The following OSBPL3 variants were observed in gnomAD, a reference collection of about 807,000 sequenced individuals.
OSBPL3 encodes oxysterol binding protein like 3.
OSBPL3 carries 65 observed loss-of-function variants against 120.1 expected under a neutral mutation model. The ratio of observed to expected loss-of-function variants is 0.54; its 90% CI spans 0.44 to 0.67. The LOEUF is 0.67. OSBPL3 is among the 30% of genes least tolerant of loss of function. The probability of loss-of-function intolerance (pLI) is 0.00; values close to 1 mark genes in which losing one functional copy is unlikely to be tolerated. For missense variants in OSBPL3, 1,004 were observed against 1,082.1 expected, an observed-to-expected ratio of 0.93 and a Z score of 1.01; for synonymous variants, 416 against 402.6, an observed-to-expected ratio of 1.03 and a Z score of -0.40.
intron 2 of OSBPL3, among the ~76,000 whole-genome samples, chr7:24,882,003 C>A (rs6962171): frequency 0.028 from 4,192 of 152,284 alleles, 205 homozygotes; most frequent in African/African-American, 0.095. Flanking sequence ...ATAATCTGAG[C>A]TGCCCTACTC....
chr7:24,853,215 T>G (rs1003419112), intron 10 of OSBPL3, among the ~76,000 whole-genome samples: 2 of 152,226 alleles, frequency 1.3e-5, no homozygotes, highest in African/African-American at 4.8e-5. Context: ...GGGAAAATGT[T>G]AACACTACAG....
intron 2 of OSBPL3, among the ~76,000 whole-genome samples, chr7:24,890,127 C>G (rs1805127286): frequency 6.6e-6 from 1 of 152,022 alleles, no homozygotes; most frequent in Admixed American, 6.5e-5. Context: ...GAAAAATGAC[C>G]AATAAAATCA....
In OSBPL3 at chr7:24,808,840, G is replaced by A. The variant is rs140505191; in HGVS notation, c.2317+967C>T. Among the ~76,000 whole-genome samples, 7 of 152,278 alleles carry A rather than the reference G, an allele frequency of 4.6e-5. No individual in the cohort carries two copies. The highest frequency in any genetic ancestry group is 2.1e-4 in the South Asian group (1 of 4,818). ...CGTGATATAAAGTCCCATTTGCTGCGGGATCTTAGGAAATGTTCCTGAGAA... is the reference window on the plus strand; with the variant it reads ...CGTGATATAAAGTCCCATTTGCTGCAGGATCTTAGGAAATGTTCCTGAGAA... On this transcript the variant is annotated intron_variant, in intron 20 of 22. Transcript: ENST00000313367. This position sits in a 1 kb window ranked among gnomAD's most constrained non-coding sequence, Gnocchi z 4.6.
intron 17 of OSBPL3, 141 bp from the exon 18 acceptor site, chr7:24,816,829 TA>T (rs1179416016): frequency 1.6e-6 from 1 of 643,164 alleles, no homozygotes; most frequent in Non-Finnish European, 2.8e-6. Flanking sequence ...TAACTTTTCA[TA>T]AAATATAAGT....
rs1246141616 is a variant in OSBPL3 at position 24,821,122 on chromosome 7, C to T, written c.1885-884G>A. On this transcript the variant is annotated intron_variant, in intron 16 of 22. Transcript: ENST00000313367. The surrounding 1 kb of genome is among the most constrained non-coding windows in gnomAD (Gnocchi z 5.5). ...ACTGGTGAAACCACAGTAATGCTGCCAAGGGTGTTTCCAGAAAGTTCTCTG... is the reference window on the plus strand; with the variant it reads ...ACTGGTGAAACCACAGTAATGCTGCTAAGGGTGTTTCCAGAAAGTTCTCTG... 3.3e-5 allele frequency among the ~76,000 whole-genome samples: 5 copies of T among 152,144 alleles called. No homozygotes were observed. The highest frequency in any genetic ancestry group is 3.3e-4 in the Admixed American group (5 of 15,282).
At chr7:24,893,987 C>CGT (rs1027457548) in intron 1 of OSBPL3, among the ~76,000 whole-genome samples, 106 of 150,954 alleles carry the variant, frequency 7.0e-4, no homozygotes, top group African/African-American at 2.4e-3. Flanking sequence ...AATATACATA[C>CGT]ATATATATAT....
rs1164349295 is a variant in OSBPL3 at position 24,940,783 on chromosome 7, C to T, written c.-150+39103G>A. Among the ~76,000 whole-genome samples the T allele has an allele frequency of 6.6e-6, 1 of 151,836 alleles. No homozygotes were observed. The highest frequency in any genetic ancestry group is 2.4e-5 in the African/African-American group (1 of 41,348). On this transcript the variant is annotated intron_variant, in intron 1 of 22. Transcript: ENST00000313367. This position sits in a 1 kb window ranked among gnomAD's most constrained non-coding sequence, Gnocchi z 4.4. ...GCTACAAACCAAAGCTCACACTTCCCACATCGCTCTTCTTAACATTTCTTC... is the reference window on the plus strand; with the variant it reads ...GCTACAAACCAAAGCTCACACTTCCTACATCGCTCTTCTTAACATTTCTTC...
chr7:24,976,529 G>C (rs138969000), intron 1 of OSBPL3, among the ~76,000 whole-genome samples: 1 of 119,364 alleles, frequency 8.4e-6, no homozygotes, highest in Non-Finnish European at 1.8e-5. Flanking sequence ...CTGAACAGTA[G>C]TAATTGGAAA....
In OSBPL3 at chr7:24,852,435, T is replaced by A. The variant is rs978727645; in HGVS notation, c.1158+69A>T. On this transcript the variant is annotated intron_variant, in intron 11 of 22. Transcript: ENST00000313367. This position sits in a 1 kb window ranked among gnomAD's most constrained non-coding sequence, Gnocchi z 4.1. ...TGAATTTTCAACATAATCATGGAAA[T>A]AGAAATTACAAACCATTCATGAGCC... 5 of 1,290,674 alleles carry A rather than the reference T, an allele frequency of 3.9e-6. No homozygotes were observed. The African/African-American group carries it at 6.0e-5, about 16-fold the overall frequency. The allele number at this position is 1,290,674 out of a possible 1,614,324, so 80.0% of individuals were successfully genotyped here.
At chr7:24,870,610 C>T (rs1801970738) in intron 5 of OSBPL3, 122 bp downstream of exon 5, 1 of 665,982 alleles carries the variant, frequency 1.5e-6, no homozygotes, top group Admixed American at 2.1e-5. Flanking sequence ...ACATGAGAAA[C>T]ACTTTGGTAA....
chr7:24,842,728 C>T (rs1797940457), intron 12 of OSBPL3, among the ~76,000 whole-genome samples: 1 of 152,212 alleles, frequency 6.6e-6, no homozygotes, highest in Non-Finnish European at 1.5e-5. Flanking sequence ...GAATCATATC[C>T]TCTTATTCGC....
intron 19 of OSBPL3, among the ~76,000 whole-genome samples, chr7:24,811,457 C>T (rs916221074): frequency 1.3e-5 from 2 of 152,158 alleles, no homozygotes; most frequent in African/African-American, 2.4e-5. Context: ...TCCTATTCTA[C>T]AGATTGTTTC....
chr7:24,849,946 GA>G lies in OSBPL3; in HGVS notation c.1159-771del, dbSNP rs34710823. On this transcript the variant is annotated intron_variant, in intron 11 of 22. Transcript: ENST00000313367. The surrounding 1 kb of genome is among the most constrained non-coding windows in gnomAD (Gnocchi z 5.4). ...GGGTGAGAGTGAGACCCTGTCTCAC[GA>G]AAAAAAAAAAAAGAAATAAAGAAAG... Among the ~76,000 whole-genome samples, 112 of 134,464 alleles carry G rather than the reference GA, an allele frequency of 8.3e-4. No homozygotes were observed. Among genetic ancestry groups the G allele is most frequent in the Middle Eastern group, 7.6e-3 (2 of 262 alleles). 88.2% of individuals were successfully genotyped at this position (134,464 alleles called of 152,430 possible).
chr7:24,834,581 C>G lies in OSBPL3; in HGVS notation c.1651G>C (p.Glu551Gln). 2 of 1,614,184 alleles carry G rather than the reference C, an allele frequency of 1.2e-6. No homozygotes were observed. Among genetic ancestry groups the G allele is most frequent in the Non-Finnish European group, 1.7e-6 (2 of 1,180,046 alleles). The change falls in exon 15 of 23, where the codon GAG becomes CAG. Residue 551 changes from glutamate to glutamine, a missense_variant. This residue lies in a region of OSBPL3 where 473 missense variants were observed against 568.0 expected (regional missense o/e 0.83). Transcript: ENST00000313367. This position sits in a 1 kb window ranked among gnomAD's most constrained non-coding sequence, Gnocchi z 5.2. ...AGCCTCTGCAGCGTGTTCAGGGGCT[C>G]GTTCAGCTCCACCGGCATGGCCACC... ...SKVAMPVELN[E>Q]PLNTLQRLCE... is the part of the protein sequence containing the mutation.
At chr7:24,884,944 T>C (rs1804271623) in intron 2 of OSBPL3, among the ~76,000 whole-genome samples, 1 of 152,098 alleles carries the variant, frequency 6.6e-6, no homozygotes, top group African/African-American at 2.4e-5. Flanking sequence ...GAAATAAATT[T>C]AGAGATGCTA....
intron 20 of OSBPL3, among the ~76,000 whole-genome samples, chr7:24,807,128 CA>C (rs1359787589): frequency 1.3e-5 from 2 of 152,236 alleles, no homozygotes; most frequent in East Asian, 3.9e-4. Context: ...TATGTGTGGT[CA>C]GAAAGCAAAT....
rs555682472 is a variant in OSBPL3 at position 24,867,689 on chromosome 7, T to C, written c.382-1452A>G. ...GTAAGTCTATTAAACCTCTTTCTTT[T>C]GTAAATTGCCCAGTCTCGGGTATGT... On this transcript the variant is annotated intron_variant, in intron 5 of 22. Coordinates refer to ENST00000313367, the MANE Select transcript of OSBPL3 (RefSeq NM_015550.4). This position sits in a 1 kb window ranked among gnomAD's most constrained non-coding sequence, Gnocchi z 4.5. Among the ~76,000 whole-genome samples, 1 of 152,320 alleles carries C rather than the reference T, an allele frequency of 6.6e-6. No homozygotes were observed. Among genetic ancestry groups the C allele is most frequent in the South Asian group, 2.1e-4 (1 of 4,824 alleles).
Position 24,819,721 on chromosome 7 carries a change from T to C in OSBPL3, c.1948+454A>G, listed in dbSNP as rs141850237. 4.1e-3 allele frequency among the ~76,000 whole-genome samples: 628 copies of C among 152,248 alleles called. 6 individuals are homozygous for C. The highest frequency in any genetic ancestry group is 0.014 in the African/African-American group (573 of 41,550). ...ACAAAATTAATCCATCTAGGAAATATCTATAGCCTTATTTATTCTTTAGAA... is the reference window on the plus strand; with the variant it reads ...ACAAAATTAATCCATCTAGGAAATACCTATAGCCTTATTTATTCTTTAGAA... On this transcript the variant is annotated intron_variant, in intron 17 of 22. Coordinates refer to ENST00000313367, the MANE Select transcript of OSBPL3 (RefSeq NM_015550.4). The surrounding 1 kb of genome is among the most constrained non-coding windows in gnomAD (Gnocchi z 4.1).
Position 24,851,120 on chromosome 7 carries a change from A to G in OSBPL3, c.1158+1384T>C, listed in dbSNP as rs748575536. Among the ~76,000 whole-genome samples the G allele has an allele frequency of 1.3e-5, 2 of 152,190 alleles. No homozygotes were observed. The highest frequency in any genetic ancestry group is 2.4e-5 in the African/African-American group (1 of 41,444). On this transcript the variant is annotated intron_variant, in intron 11 of 22. Transcript: ENST00000313367. The surrounding 1 kb of genome is among the most constrained non-coding windows in gnomAD (Gnocchi z 4.1). ...AAGATCATGGGGAGAGGGACCTTGG[A>G]AGCCCATCAGAGATACCTTTTGTAA...
Sources: allele counts gnomAD v4.1 joint callset (sites outside exome capture counted in the v4.1 genomes callset), GRCh38; gene constraint gnomAD v4.1.1; regional missense constraint gnomAD v4.1.1; non-coding constraint Gnocchi (gnomAD v3.1); transcripts MANE v1.5; gene names NCBI Gene and HGNC (gene_info 2026-07-23, HGNC 2026-07-21).